The following RERE variants were observed in gnomAD, a reference collection of about 807,000 sequenced individuals.
The protein encoded by RERE is arginine-glutamic acid dipeptide repeats.
In RERE, 40 loss-of-function variants were observed where a neutral mutation model predicts 146.1. The observed-to-expected ratio is 0.27, with a 90% CI of 0.21 to 0.36. RERE has a LOEUF of 0.36. Ranked by LOEUF, RERE falls within the 10% of genes least tolerant of loss-of-function variation. The probability of loss-of-function intolerance (pLI) is 1.00; values close to 1 mark genes in which losing one functional copy is unlikely to be tolerated. For synonymous variants in RERE, 1,003 were observed against 866.0 expected, an observed-to-expected ratio of 1.16 and a Z score of -2.78; for missense variants, 1,933 against 2,138.7, an observed-to-expected ratio of 0.90 and a Z score of 1.90.
chr1:8,698,301 G>A (rs1639376672), intron 1 of RERE, among the ~76,000 whole-genome samples: 1 of 152,058 alleles, frequency 6.6e-6, no homozygotes, highest in African/African-American at 2.4e-5. Context: ...GCAAAAGGAG[G>A]TACTTTCACT....
intron 12 of RERE, among the ~76,000 whole-genome samples, chr1:8,414,797 G>C (rs555825603): frequency 1.2e-4 from 19 of 152,072 alleles, no homozygotes; most frequent in Non-Finnish European, 2.6e-4. Context: ...GCTCCTGTTT[G>C]CTTTTCCTAT....
At chr1:8,580,096 T>C (rs1370870233) in intron 4 of RERE, among the ~76,000 whole-genome samples, 2 of 152,222 alleles carry the variant, frequency 1.3e-5, no homozygotes, top group Non-Finnish European at 2.9e-5. Context: ...GAAAATTAAC[T>C]GACATTATAG....
intron 1 of RERE, among the ~76,000 whole-genome samples, chr1:8,696,176 T>C (rs1358502559): frequency 6.6e-6 from 1 of 152,154 alleles, no homozygotes; most frequent in East Asian, 1.9e-4. Context: ...TTTGGAGATT[T>C]CCCATTACCA....
At chr1:8,683,015 G>A (rs1447341770) in intron 1 of RERE, among the ~76,000 whole-genome samples, 2 of 107,056 alleles carry the variant, frequency 1.9e-5, no homozygotes, top group African/African-American at 7.5e-5. Context: ...TACCAACTCT[G>A]CCTCACTGTC....
intron 8 of RERE, among the ~76,000 whole-genome samples, chr1:8,501,625 G>GC (rs1645159333): frequency 7.8e-6 from 1 of 127,890 alleles, no homozygotes; most frequent in Non-Finnish European, 1.7e-5. Context: ...TGGGGGGTCA[G>GC]CCCCCCGCCC....
chr1:8,405,025 G>A (rs556268285), intron 12 of RERE, among the ~76,000 whole-genome samples: 12 of 152,318 alleles, frequency 7.9e-5, no homozygotes, highest in African/African-American at 2.4e-4. Flanking sequence ...TTTTTGGGGC[G>A]TGGGGGAGGG....
At chr1:8,643,712 G>C (rs1647214914) in intron 2 of RERE, among the ~76,000 whole-genome samples, 1 of 152,180 alleles carries the variant, frequency 6.6e-6, no homozygotes, top group African/African-American at 2.4e-5. Flanking sequence ...TTTTGTGAAG[G>C]TGAGCACAGC....
At chr1:8,813,349 C>T (rs1182327389) in intron 1 of RERE, among the ~76,000 whole-genome samples, 1 of 152,182 alleles carries the variant, frequency 6.6e-6, no homozygotes, top group Non-Finnish European at 1.5e-5. Flanking sequence ...AGTAGGAAAG[C>T]ATACTACTCT....
chr1:8,566,166 C>A (rs758156577), intron 4 of RERE, among the ~76,000 whole-genome samples: 1 of 152,138 alleles, frequency 6.6e-6, no homozygotes, highest in Non-Finnish European at 1.5e-5. Flanking sequence ...ACTGAACAGA[C>A]CTAAAAATCC....
chr1:8,461,784 A>G (rs1281060043), intron 11 of RERE, among the ~76,000 whole-genome samples: 1 of 152,196 alleles, frequency 6.6e-6, no homozygotes, highest in African/African-American at 2.4e-5. Flanking sequence ...GAGGAGAAGG[A>G]GGAGTAGGAA....
At chr1:8,657,629 G>A (rs751890629) in intron 1 of RERE, among the ~76,000 whole-genome samples, 2 of 152,048 alleles carry the variant, frequency 1.3e-5, no homozygotes, top group South Asian at 4.1e-4. Flanking sequence ...GGGGGATCAC[G>A]TGAGGTCAGA....
intron 1 of RERE, among the ~76,000 whole-genome samples, chr1:8,699,661 T>C (rs565786972): frequency 6.6e-6 from 1 of 152,362 alleles, no homozygotes; most frequent in Non-Finnish European, 1.5e-5. Flanking sequence ...TTCAGCAGTC[T>C]GTTGCCAATC....
chr1:8,447,841 T>C (rs569541602), intron 11 of RERE, among the ~76,000 whole-genome samples: 2 of 152,352 alleles, frequency 1.3e-5, no homozygotes, highest in African/African-American at 4.8e-5. Flanking sequence ...CTCTGCCTGC[T>C]TCTCCGAATA....
At chr1:8,596,984 C>A (rs950711382) in intron 4 of RERE, among the ~76,000 whole-genome samples, 3 of 152,078 alleles carry the variant, frequency 2.0e-5, no homozygotes, top group African/African-American at 7.2e-5. Context: ...ATTAACATGA[C>A]AGATGCCCAG....
chr1:8,779,390 C>A (rs942554232), intron 1 of RERE, among the ~76,000 whole-genome samples: 2 of 151,602 alleles, frequency 1.3e-5, no homozygotes, highest in African/African-American at 2.4e-5. Flanking sequence ...AGGCTGGGCA[C>A]GGTGGCTCAC....
At chr1:8,525,085 A>G (rs1223955211) in intron 7 of RERE, among the ~76,000 whole-genome samples, 1 of 152,242 alleles carries the variant, frequency 6.6e-6, no homozygotes, top group Non-Finnish European at 1.5e-5. Context: ...CATAAGCTCT[A>G]AAAGGAAGAT....
intron 1 of RERE, among the ~76,000 whole-genome samples, chr1:8,711,112 G>A (rs1304374391): frequency 3.4e-5 from 4 of 117,308 alleles, no homozygotes; most frequent in East Asian, 2.9e-4. Flanking sequence ...AGCCCAGATC[G>A]AGCCACTGCA....
chr1:8,627,413 C>T (rs1298399452), intron 2 of RERE, among the ~76,000 whole-genome samples: 1 of 152,062 alleles, frequency 6.6e-6, no homozygotes, highest in Non-Finnish European at 1.5e-5. Flanking sequence ...ACCAGCCTGA[C>T]CAACATGGTG....
intron 1 of RERE, among the ~76,000 whole-genome samples, chr1:8,813,758 C>T (rs148982221): frequency 6.6e-6 from 1 of 151,924 alleles, no homozygotes; most frequent in East Asian, 1.9e-4. Flanking sequence ...GGGATTACAG[C>T]CACGCGCCAA....
Sources: gnomAD v4.1 joint callset for allele counts (sites outside exome capture counted in the v4.1 genomes callset) on GRCh38, gnomAD v4.1.1 for gene constraint, MANE v1.5 for transcripts, NCBI Gene and HGNC (gene_info 2026-07-23, HGNC 2026-07-21) for gene names.